The following SLC9A5 variants were observed in gnomAD, a reference collection of about 807,000 sequenced individuals.
SLC9A5 encodes sodium/hydrogen exchanger 5.
A neutral mutation model predicts 91.7 loss-of-function variants in SLC9A5; 52 were observed. The observed-to-expected ratio is 0.57, with a 90% CI of 0.45 to 0.71. SLC9A5 has a LOEUF of 0.71. Among genes scored for constraint, SLC9A5 ranks in the 30% least tolerant of loss-of-function variants. SLC9A5 has a pLI of 0.00. For synonymous variants in SLC9A5, 419 were observed against 474.5 expected (o/e 0.88, Z 1.52); for missense variants, 871 against 1,158.9 (o/e 0.75, Z 3.61).
Position 67,270,710 on chromosome 16 carries a change from T to C in SLC9A5, c.2219-28T>C, listed in dbSNP as rs56321591. The C allele has an allele frequency of 7.0e-7, 1 of 1,430,426 alleles. No individual in the cohort carries two copies. Among genetic ancestry groups the C allele is most frequent in the Non-Finnish European group, 9.6e-7 (1 of 1,046,008 alleles). The allele number at this position is 1,430,426 out of a possible 1,614,324, so 88.6% of individuals were successfully genotyped here. A position where few individuals can be genotyped will look rare whatever the true frequency, so the allele number is the denominator to read the frequency against. Reference sequence around the variant, plus strand: ...CTTGAGATTTCCACTGTATTGGTAATGAGTTCATGTGTACTCTCTGTCCCC... The same window carrying C: ...CTTGAGATTTCCACTGTATTGGTAACGAGTTCATGTGTACTCTCTGTCCCC... On this transcript the variant is annotated intron_variant, in intron 15 of 15. Transcript: ENST00000299798. The surrounding 1 kb of genome is among the most constrained non-coding windows in gnomAD (Gnocchi z 4.3).
Position 67,256,764 on chromosome 16 carries a change from G to A in SLC9A5, c.1132+75G>A. ...CCCTGCAGCTCATCTCCCTATCTGA[G>A]TCCACATCTTTGTCAATTCCTAAGC... On this transcript the variant is annotated intron_variant, in intron 6 of 15. Coordinates refer to ENST00000299798, the MANE Select transcript of SLC9A5 (RefSeq NM_004594.3). This position sits in a 1 kb window ranked among gnomAD's most constrained non-coding sequence, Gnocchi z 4.1. 7.3e-7 allele frequency: 1 copy of A among 1,370,474 alleles called. No homozygotes were observed. The highest frequency in any genetic ancestry group is 1.0e-6 in the Non-Finnish European group (1 of 965,918). 84.9% of individuals were successfully genotyped at this position (1,370,474 alleles called of 1,614,324 possible). A position where few individuals can be genotyped will look rare whatever the true frequency, so the allele number is the denominator to read the frequency against.
Position 67,257,697 on chromosome 16 carries a change from A to G in SLC9A5, c.1496+96A>G, listed in dbSNP as rs1413337922. On this transcript the variant is annotated intron_variant, in intron 9 of 15. Coordinates refer to ENST00000299798, the MANE Select transcript of SLC9A5 (RefSeq NM_004594.3). This position sits in a 1 kb window ranked among gnomAD's most constrained non-coding sequence, Gnocchi z 5.1. Reference sequence around the variant, plus strand: ...CACACTTCTGAGAAGGGACAGAGCCAGGTTCAGGCTGGGTGACCTCTGCCT... The same window carrying G: ...CACACTTCTGAGAAGGGACAGAGCCGGGTTCAGGCTGGGTGACCTCTGCCT... 1 of 1,334,474 alleles carries G rather than the reference A, an allele frequency of 7.5e-7. No individual in the cohort carries two copies. Among genetic ancestry groups the G allele is most frequent in the East Asian group, 2.3e-5 (1 of 43,208 alleles). 82.7% of individuals were successfully genotyped at this position (1,334,474 alleles called of 1,614,324 possible).
Position 67,270,679 on chromosome 16 carries a change from C to T in SLC9A5, c.2219-59C>T. 1.7e-6 allele frequency: 2 copies of T among 1,190,966 alleles called. No individual in the cohort carries two copies. The highest frequency in any genetic ancestry group is 5.1e-5 in the East Asian group (2 of 39,018). 73.8% of individuals were successfully genotyped at this position (1,190,966 alleles called of 1,614,324 possible). ...TGTGGCATGAATTTATAAGAATGTG[C>T]TTATACTTGAGATTTCCACTGTATT... On this transcript the variant is annotated intron_variant, in intron 15 of 15. Transcript: ENST00000299798. This position sits in a 1 kb window ranked among gnomAD's most constrained non-coding sequence, Gnocchi z 4.3.
chr16:67,266,562 CAG>C (rs1250258971), intron 15 of SLC9A5, among the ~76,000 whole-genome samples: 1 of 152,124 alleles, frequency 6.6e-6, no homozygotes, highest in Non-Finnish European at 1.5e-5. Context: ...TTATTTGAGA[CAG>C]AGTTTTGCTC....
chr16:67,255,642 G>T lies in SLC9A5; in HGVS notation c.734-111G>T. On this transcript the variant is annotated intron_variant, in intron 4 of 15. Coordinates refer to ENST00000299798, the MANE Select transcript of SLC9A5 (RefSeq NM_004594.3). The surrounding 1 kb of genome is among the most constrained non-coding windows in gnomAD (Gnocchi z 4.9). ...AGGGATCCTGGCTCTGGGGTTTTGA[G>T]CCCCTGGGAGTGCGGTGGGCATCAT... 7.4e-7 allele frequency: 1 copy of T among 1,359,114 alleles called. No individual in the cohort carries two copies. Among genetic ancestry groups the T allele is most frequent in the Non-Finnish European group, 1.0e-6 (1 of 982,192 alleles). The allele number at this position is 1,359,114 out of a possible 1,614,324, so 84.2% of individuals were successfully genotyped here.
intron 2 of SLC9A5, 45 bp from the exon 3 acceptor site, chr16:67,254,976 G>A (rs868264006): frequency 1.3e-6 from 2 of 1,579,648 alleles, no homozygotes; most frequent in Middle Eastern, 1.8e-4. Flanking sequence ...CAGGAGACTG[G>A]GTCGTCTTCA....
Position 67,252,832 on chromosome 16 carries a change from G to C in SLC9A5, c.478G>C (p.Ala160Pro), listed in dbSNP as rs761679068. The change falls in exon 2 of 16, where the codon GCT becomes CCT. Residue 160 changes from alanine (A) to proline (P), a missense_variant. Transcript: ENST00000299798. The surrounding 1 kb of genome is among the most constrained non-coding windows in gnomAD (Gnocchi z 4.0). ...TGAALWGLQQAGLVAPRVQAG... is the reference protein window; with the variant it reads ...TGAALWGLQQPGLVAPRVQAG... ...CGCTGCCCTCTGGGGCTTGCAGCAG[G>C]CTGGACTTGTAGGTGAGTGACCCTA... 3 of 1,612,096 alleles carry C rather than the reference G, an allele frequency of 1.9e-6. No individual in the cohort carries two copies. Among genetic ancestry groups the C allele is most frequent in the Non-Finnish European group, 2.5e-6 (3 of 1,179,778 alleles).
At chr16:67,250,862 G>A (rs1489109775) in intron 1 of SLC9A5, among the ~76,000 whole-genome samples, 1 of 152,200 alleles carries the variant, frequency 6.6e-6, no homozygotes, top group Non-Finnish European at 1.5e-5. Flanking sequence ...TGTAGAGAGA[G>A]ATGTGTTCGC....
At chr16:67,265,222 G>GAAGAGCCCCAGGT in intron 14 of SLC9A5, 116 bp downstream of exon 14, 1 of 905,116 alleles carries the variant, frequency 1.1e-6, no homozygotes, top group Non-Finnish European at 1.8e-6. Flanking sequence ...GTGACCTGGG[G>GAAGAGCCCCAGGT]CTCTTCCTCC....
rs180702349 is a variant in SLC9A5, at chr16:67,255,954, C to T, written c.911+24C>T. 70 of 1,606,920 alleles carry T rather than the reference C, an allele frequency of 4.4e-5. No individual in the cohort carries two copies. In the East Asian group the frequency reaches 1.5e-3, roughly 34 times the overall value. On this transcript the variant is annotated intron_variant, in intron 5 of 15. Transcript: ENST00000299798. This position sits in a 1 kb window ranked among gnomAD's most constrained non-coding sequence, Gnocchi z 4.9. Reference sequence around the variant, plus strand: ...GCGTGAGTTCTGGGGGCCTTGCAGGCAGATAGCTGGGAGGGGGCACTGGAG... The same window carrying T: ...GCGTGAGTTCTGGGGGCCTTGCAGGTAGATAGCTGGGAGGGGGCACTGGAG...
At chr16:67,265,495 T>G (rs911488658) in intron 14 of SLC9A5, among the ~76,000 whole-genome samples, 5 of 152,188 alleles carry the variant, frequency 3.3e-5, no homozygotes, top group Non-Finnish European at 2.9e-5. Flanking sequence ...CTCGGCTCAC[T>G]GCAACCTCTG....
At chr16:67,250,334 T>C (rs763882602) in intron 1 of SLC9A5, among the ~76,000 whole-genome samples, 10 of 151,936 alleles carry the variant, frequency 6.6e-5, no homozygotes, top group Non-Finnish European at 1.3e-4. Context: ...GAGATGAAGA[T>C]GAAATAGGGT....
rs1401309897 is a variant in SLC9A5, at chr16:67,252,147, T to C, written c.188-395T>C. ...GAAGTCTTGCATATTTCTCCTCCCT[T>C]GGTCCCAGTCTTAGAAGGTTGGCCA... On this transcript the variant is annotated intron_variant, in intron 1 of 15. Coordinates refer to ENST00000299798, the MANE Select transcript of SLC9A5 (RefSeq NM_004594.3). The surrounding 1 kb of genome is among the most constrained non-coding windows in gnomAD (Gnocchi z 4.0). Among the ~76,000 whole-genome samples the C allele has an allele frequency of 6.6e-6, 1 of 152,088 alleles. No individual in the cohort carries two copies. Among genetic ancestry groups the C allele is most frequent in the Non-Finnish European group, 1.5e-5 (1 of 68,008 alleles).
chr16:67,254,284 G>A (rs2035231739), intron 2 of SLC9A5, among the ~76,000 whole-genome samples: 1 of 152,196 alleles, frequency 6.6e-6, no homozygotes, highest in African/African-American at 2.4e-5. Context: ...CCACAGGTGT[G>A]GGAGAAAGCA....
rs2035467124 is a variant in SLC9A5 at position 67,259,906 on chromosome 16, A to G, written c.1802A>G (p.His601Arg). The change falls in exon 12 of 16, where the codon CAT (histidine) becomes CGT (arginine). Residue 601 changes from histidine (H) to arginine (R), a missense_variant. By Grantham distance (29) the His-to-Arg change is conservative (BLOSUM62 0). This residue lies in a region of SLC9A5 where 454 missense variants were observed against 718.3 expected (regional missense o/e 0.63). Coordinates refer to ENST00000299798, the MANE Select transcript of SLC9A5 (RefSeq NM_004594.3). The part of the protein sequence containing the change: ...SGRDREDAVM[H>R]HLLCGGLYKP... The stretch of plus-strand genomic sequence containing the variant: ...CGGGATCGTGAGGATGCTGTGATGC[A>G]TCATCTGCTCTGCGGAGGCCTCTAC... 1 of 1,613,964 alleles carries G rather than the reference A, an allele frequency of 6.2e-7. No individual in the cohort carries two copies. Among genetic ancestry groups the G allele is most frequent in the African/African-American group, 1.3e-5 (1 of 74,884 alleles).
rs989750557 is a variant in SLC9A5, at chr16:67,252,856, T to G, written c.490+12T>G. The G allele has an allele frequency of 2.5e-6, 4 of 1,606,686 alleles. No individual in the cohort carries two copies. The highest frequency in any genetic ancestry group is 1.1e-5 in the South Asian group (1 of 90,548). ...GGCTGGACTTGTAGGTGAGTGACCC[T>G]AAGACCTGGGCTTTGCCAGACCCAT... is the stretch of plus-strand genomic sequence containing the variant. On this transcript the variant is annotated intron_variant, in intron 2 of 15. Transcript: ENST00000299798. This position sits in a 1 kb window ranked among gnomAD's most constrained non-coding sequence, Gnocchi z 4.0.
Position 67,271,174 on chromosome 16 carries a change from C to A in SLC9A5, c.2655C>A (p.His885Gln). Residue 885 changes from histidine (H) to glutamine (Q), a missense_variant, in exon 16 of 16, where the codon CAC (histidine) becomes CAA (glutamine). This residue lies in a region of SLC9A5 where 295 missense variants were observed against 326.0 expected (regional missense o/e 0.90). Coordinates refer to ENST00000299798, the MANE Select transcript of SLC9A5 (RefSeq NM_004594.3). ...THLSPGTATSHWCIQFNRGSR... is the reference protein window; with the variant it reads ...THLSPGTATSQWCIQFNRGSR... ...TCAGCCCAGGCACCGCTACCTCCCA[C>A]TGGTGCATCCAGTTCAACAGAGGCA... 1 of 1,612,946 alleles carries A rather than the reference C, an allele frequency of 6.2e-7. No individual in the cohort carries two copies. The highest frequency in any genetic ancestry group is 1.3e-5 in the African/African-American group (1 of 75,080).
chr16:67,267,677 A>G (rs546341459), intron 15 of SLC9A5, among the ~76,000 whole-genome samples: 3 of 152,328 alleles, frequency 2.0e-5, no homozygotes, highest in African/African-American at 7.2e-5. Flanking sequence ...ATTCATCAAA[A>G]TGGAGTTATT....
In SLC9A5 at chr16:67,257,579, G is replaced by A. The variant is rs2035365938; in HGVS notation, c.1474G>A (p.Gly492Ser). The A allele has an allele frequency of 6.2e-7, 1 of 1,614,142 alleles. No individual in the cohort carries two copies. The highest frequency in any genetic ancestry group is 8.5e-7 in the Non-Finnish European group (1 of 1,180,016). Residue 492 changes from glycine (G) to serine (S), a missense_variant, in exon 9 of 16, where the codon GGC (glycine) becomes AGC (serine). Coordinates refer to ENST00000299798, the MANE Select transcript of SLC9A5 (RefSeq NM_004594.3). This position sits in a 1 kb window ranked among gnomAD's most constrained non-coding sequence, Gnocchi z 5.1. ...AGTGGAGGACGTTGTGGGGCACCAT[G>A]GCTACCACTACTGGAGGGACAGGTG... ...AAVEDVVGHH[G>S]YHYWRDRWEQ...
Sources: allele counts gnomAD v4.1 joint callset (sites outside exome capture counted in the v4.1 genomes callset), GRCh38; gene constraint gnomAD v4.1.1; regional missense constraint gnomAD v4.1.1; non-coding constraint Gnocchi (gnomAD v3.1); transcripts MANE v1.5; gene names NCBI Gene and HGNC (gene_info 2026-07-23, HGNC 2026-07-21).